Variants in GALNT17 observed in about 807,000 individuals in gnomAD.
GALNT17 encodes UDP-GalNAc:polypeptide N-acetylgalactosaminyltransferase-like 3.
In GALNT17, 29 loss-of-function variants were observed where a neutral mutation model predicts 63.7. That is an observed-to-expected ratio of 0.46 (90% CI 0.34 to 0.62). The LOEUF (loss-of-function observed/expected upper bound fraction) is 0.62, where lower values mean the gene tolerates loss of function less well. GALNT17 is among the 20% of genes least tolerant of loss of function. The pLI is 0.01. For missense variants in GALNT17, 603 were observed against 799.6 expected (o/e 0.75, Z 2.97); for synonymous variants, 305 against 318.3 (o/e 0.96, Z 0.45).
At chr7:71,628,169 C>G (rs1790402738) in intron 6 of GALNT17, among the ~76,000 whole-genome samples, 1 of 151,960 alleles carries the variant, frequency 6.6e-6, no homozygotes. Flanking sequence ...TATTTCCAAT[C>G]TATCACGCAA....
At chr7:71,609,570 G>A (rs979475286) in intron 6 of GALNT17, among the ~76,000 whole-genome samples, 3 of 152,118 alleles carry the variant, frequency 2.0e-5, no homozygotes, top group Non-Finnish European at 4.4e-5. Context: ...CATAGTAGGT[G>A]TATATATTTA....
chr7:71,220,648 A>C (rs1409624819), intron 1 of GALNT17, among the ~76,000 whole-genome samples: 1 of 152,132 alleles, frequency 6.6e-6, no homozygotes, highest in Non-Finnish European at 1.5e-5. Context: ...GAAAGAGAAA[A>C]TGGGAGTTAA....
chr7:71,336,130 C>T (rs553413266), intron 2 of GALNT17, among the ~76,000 whole-genome samples: 23 of 151,326 alleles, frequency 1.5e-4, no homozygotes, highest in African/African-American at 3.9e-4. Context: ...CCGCAACCTC[C>T]GCCTTTTGGG....
chr7:71,461,560 G>T (rs1048530685), intron 5 of GALNT17, among the ~76,000 whole-genome samples: 1 of 152,234 alleles, frequency 6.6e-6, no homozygotes, highest in African/African-American at 2.4e-5. Context: ...GCTGAAGGCT[G>T]TGGTTTTCTT....
chr7:71,498,295 G>A (rs1432120992), intron 5 of GALNT17, among the ~76,000 whole-genome samples: 2 of 152,090 alleles, frequency 1.3e-5, no homozygotes, highest in African/African-American at 2.4e-5. Flanking sequence ...GGGCAACATG[G>A]TGAGACCCCC....
chr7:71,419,724 T>C (rs1786625310), intron 4 of GALNT17, among the ~76,000 whole-genome samples: 1 of 152,160 alleles, frequency 6.6e-6, no homozygotes, highest in Admixed American at 6.5e-5. Flanking sequence ...ATGGCTGTGC[T>C]CTCTGCCAGT....
intron 1 of GALNT17, among the ~76,000 whole-genome samples, chr7:71,229,725 A>G (rs752498546): frequency 9.2e-5 from 14 of 152,192 alleles, no homozygotes; most frequent in Non-Finnish European, 1.8e-4. Flanking sequence ...CGTTAAGTCT[A>G]TGCTACTGGC....
intron 2 of GALNT17, among the ~76,000 whole-genome samples, chr7:71,383,743 T>C (rs1239098899): frequency 6.6e-6 from 1 of 152,196 alleles, no homozygotes; most frequent in East Asian, 1.9e-4. Context: ...TCTGTGTTTT[T>C]TTTATCTTGA....
chr7:71,169,496 G>T (rs746854002), intron 1 of GALNT17, among the ~76,000 whole-genome samples: 1 of 152,166 alleles, frequency 6.6e-6, no homozygotes, highest in African/African-American at 2.4e-5. Flanking sequence ...CTCCGTCTTG[G>T]TTCGATGTGG....
At chr7:71,624,287 GA>G (rs1268859731) in intron 6 of GALNT17, among the ~76,000 whole-genome samples, 1 of 152,202 alleles carries the variant, frequency 6.6e-6, no homozygotes, top group African/African-American at 2.4e-5. Flanking sequence ...CCTAGGATCT[GA>G]AAAGGTCTCA....
intron 1 of GALNT17, among the ~76,000 whole-genome samples, chr7:71,135,470 C>T (rs1187142176): frequency 4.6e-5 from 7 of 152,188 alleles, no homozygotes. Flanking sequence ...GCCTGAACAA[C>T]TTGCTCACAG....
chr7:71,384,737 C>G (rs1449487789), intron 2 of GALNT17, among the ~76,000 whole-genome samples: 1 of 152,164 alleles, frequency 6.6e-6, no homozygotes, highest in Non-Finnish European at 1.5e-5. Flanking sequence ...TGTGTAATCT[C>G]TAAAGCTTAC....
At chr7:71,573,912 C>T (rs1292810116) in intron 6 of GALNT17, among the ~76,000 whole-genome samples, 1 of 152,150 alleles carries the variant, frequency 6.6e-6, no homozygotes, top group African/African-American at 2.4e-5. Flanking sequence ...CCCACTTATA[C>T]ATGAAAACAT....
intron 1 of GALNT17, among the ~76,000 whole-genome samples, chr7:71,280,448 C>T (rs1372768908): frequency 1.3e-5 from 2 of 152,112 alleles, no homozygotes; most frequent in African/African-American, 4.8e-5. Flanking sequence ...AGAGAGGAAT[C>T]AGGGGATGAG....
At chr7:71,666,092 G>T (rs186130540) in intron 7 of GALNT17, among the ~76,000 whole-genome samples, 1 of 152,016 alleles carries the variant, frequency 6.6e-6, no homozygotes, top group South Asian at 2.1e-4. Flanking sequence ...AGTGTCATGC[G>T]GTAGTTGTAT....
At chr7:71,613,167 T>G (rs1790150255) in intron 6 of GALNT17, among the ~76,000 whole-genome samples, 1 of 152,200 alleles carries the variant, frequency 6.6e-6, no homozygotes, top group Non-Finnish European at 1.5e-5. Context: ...CATGATCTTT[T>G]TTGAGAGGCG....
intron 2 of GALNT17, among the ~76,000 whole-genome samples, chr7:71,339,683 C>CTT (rs1302256453): frequency 6.6e-6 from 1 of 150,414 alleles, no homozygotes; most frequent in Non-Finnish European, 1.5e-5. Flanking sequence ...GAGTGAGACT[C>CTT]TGTCTCAAAA....
intron 1 of GALNT17, among the ~76,000 whole-genome samples, chr7:71,161,318 C>T (rs1165900489): frequency 6.6e-6 from 1 of 152,072 alleles, no homozygotes; most frequent in African/African-American, 2.4e-5. Context: ...GTAATGAGAT[C>T]GAATATTTTT....
At chr7:71,651,017 C>T (rs1008879060) in intron 6 of GALNT17, among the ~76,000 whole-genome samples, 21 of 152,078 alleles carry the variant, frequency 1.4e-4, no homozygotes, top group African/African-American at 4.8e-4. Flanking sequence ...AAGTTAAAGG[C>T]ATCAGGCTGG....
Sources: allele counts gnomAD v4.1 joint callset (sites outside exome capture counted in the v4.1 genomes callset), GRCh38; gene constraint gnomAD v4.1.1; transcripts MANE v1.5; gene names NCBI Gene and HGNC (gene_info 2026-07-23, HGNC 2026-07-21).